The following RBFOX1 variants were observed in gnomAD, a reference collection of about 807,000 sequenced individuals.
RBFOX1 encodes the protein RNA binding protein fox-1 homolog 1.
A neutral mutation model predicts 57.7 loss-of-function variants in RBFOX1; 8 were observed. The ratio of observed to expected loss-of-function variants is 0.14; its 90% CI spans 0.08 to 0.25. The LOEUF (loss-of-function observed/expected upper bound fraction) is 0.25, where lower values mean the gene tolerates loss of function less well. Ranked by LOEUF, RBFOX1 falls within the 10% of genes least tolerant of loss-of-function variation. RBFOX1 has a pLI of 1.00. For missense variants in RBFOX1, 611 were observed against 548.5 expected (o/e 1.11, Z -1.14); for synonymous variants, 326 against 222.4 (o/e 1.47, Z -4.15).
intron 1 of RBFOX1, among the ~76,000 whole-genome samples, chr16:5,457,422 C>G (rs1257632654): frequency 6.6e-6 from 1 of 152,230 alleles, no homozygotes; most frequent in African/African-American, 2.4e-5. Context: ...AGTGTGAGCC[C>G]CTGCACCCAG....
chr16:7,035,883 GAC>G lies in RBFOX1; in HGVS notation c.-15-16158_-15-16157del, dbSNP rs34773276. On this transcript the variant is annotated intron_variant, in intron 3 of 15. Transcript: ENST00000550418. ...GCTTTCCAGGAAGAATGTGAACACA[GAC>G]ACACACACACACACATATACAGAGC... 9.3e-3 allele frequency among the ~76,000 whole-genome samples: 1,408 copies of G among 151,110 alleles called. 25 individuals are homozygous for G. The highest frequency in any genetic ancestry group is 0.032 in the African/African-American group (1,318 of 41,226).
intron 3 of RBFOX1, among the ~76,000 whole-genome samples, chr16:6,884,976 C>G (rs1009661797): frequency 2.6e-5 from 4 of 152,178 alleles, no homozygotes; most frequent in Admixed American, 6.5e-5. Context: ...CCAGATCTAT[C>G]TTATTCTAAA....
intron 4 of RBFOX1, among the ~76,000 whole-genome samples, chr16:7,052,883 C>T (rs1249861759): frequency 6.6e-6 from 1 of 152,140 alleles, no homozygotes; most frequent in African/African-American, 2.4e-5. Context: ...TTTCATGTCA[C>T]TAATGGAAGT....
chr16:6,667,778 A>G (rs1787142432), intron 3 of RBFOX1, among the ~76,000 whole-genome samples: 1 of 152,018 alleles, frequency 6.6e-6, no homozygotes, highest in Admixed American at 6.5e-5. Context: ...AGTCCCAGCT[A>G]CTCAAATGGC....
intron 4 of RBFOX1, among the ~76,000 whole-genome samples, chr16:5,913,882 G>A (rs529008315): frequency 1.2e-4 from 18 of 152,330 alleles, no homozygotes; most frequent in African/African-American, 3.1e-4. Flanking sequence ...ATATATGAAT[G>A]ACATCTTTCT....
chr16:6,802,680 A>G (rs146248824), intron 3 of RBFOX1, among the ~76,000 whole-genome samples: 2 of 152,334 alleles, frequency 1.3e-5, no homozygotes, highest in Admixed American at 6.5e-5. Flanking sequence ...GTCTCAATTA[A>G]AAACAAAAAA....
At chr16:7,169,195 A>G (rs1370078108) in intron 4 of RBFOX1, among the ~76,000 whole-genome samples, 1 of 152,202 alleles carries the variant, frequency 6.6e-6, no homozygotes, top group Non-Finnish European at 1.5e-5. Flanking sequence ...GTTTCCTCAT[A>G]TTTATATGAA....
intron 4 of RBFOX1, among the ~76,000 whole-genome samples, chr16:7,355,476 A>G (rs1452777319): frequency 6.6e-6 from 1 of 152,156 alleles, no homozygotes; most frequent in Non-Finnish European, 1.5e-5. Context: ...AAACCCTCCC[A>G]TACTTTTCCT....
At chr16:7,455,471 C>T (rs1478488286) in intron 4 of RBFOX1, among the ~76,000 whole-genome samples, 1 of 152,080 alleles carries the variant, frequency 6.6e-6, no homozygotes, top group East Asian at 1.9e-4. Flanking sequence ...TAGATATGGA[C>T]ATTTTGTGGG....
At chr16:5,388,424 G>A (rs1249341977) in intron 1 of RBFOX1, among the ~76,000 whole-genome samples, 3 of 152,178 alleles carry the variant, frequency 2.0e-5, no homozygotes, top group Non-Finnish European at 4.4e-5. Context: ...CAAGGATGCT[G>A]TGTAGGTTCT....
intron 4 of RBFOX1, among the ~76,000 whole-genome samples, chr16:7,265,912 C>G (rs532942863): frequency 3.1e-4 from 45 of 145,016 alleles, no homozygotes; most frequent in African/African-American, 1.1e-3. Context: ...TTCTTCCTTG[C>G]TTGGTGCTGT....
chr16:6,397,959 G>A (rs916304619), intron 2 of RBFOX1, among the ~76,000 whole-genome samples: 2 of 152,172 alleles, frequency 1.3e-5, no homozygotes, highest in East Asian at 1.9e-4. Flanking sequence ...AAGGGGAATA[G>A]AGAAACAACG....
chr16:7,396,804 G>T (rs1253721322), intron 4 of RBFOX1, among the ~76,000 whole-genome samples: 1 of 152,132 alleles, frequency 6.6e-6, no homozygotes. Context: ...AGCCAGGTTT[G>T]GTGGTGTGCT....
At chr16:7,570,268 C>T (rs956408895) in intron 5 of RBFOX1, among the ~76,000 whole-genome samples, 7 of 151,858 alleles carry the variant, frequency 4.6e-5, no homozygotes, top group Non-Finnish European at 7.4e-5. Context: ...TCACCAGCAT[C>T]CTTGAGCTAT....
intron 2 of RBFOX1, among the ~76,000 whole-genome samples, chr16:6,487,181 T>TGTGTG (rs2095503759): frequency 6.7e-6 from 1 of 148,396 alleles, no homozygotes; most frequent in Non-Finnish European, 1.5e-5. Context: ...TGTGTGTGTG[T>TGTGTG]ACCCAAAAGG....
At chr16:5,894,193 C>T (rs542283114) in intron 4 of RBFOX1, among the ~76,000 whole-genome samples, 2 of 152,224 alleles carry the variant, frequency 1.3e-5, no homozygotes, top group Non-Finnish European at 2.9e-5. Context: ...TCACACCACT[C>T]TGTTTCTTTT....
chr16:6,743,592 A>G (rs2072837116), intron 3 of RBFOX1, among the ~76,000 whole-genome samples: 1 of 151,746 alleles, frequency 6.6e-6, no homozygotes, highest in African/African-American at 2.4e-5. Context: ...AAATTTAAAA[A>G]TTGAAGTGAG....
At chr16:6,798,445 T>C (rs904874879) in intron 3 of RBFOX1, among the ~76,000 whole-genome samples, 1 of 152,204 alleles carries the variant, frequency 6.6e-6, no homozygotes, top group African/African-American at 2.4e-5. Context: ...GACAGAGAGC[T>C]GCTATGTTGT....
chr16:5,862,385 G>C lies in RBFOX1; in HGVS notation c.319-4918G>C, dbSNP rs114579786. Among the ~76,000 whole-genome samples the C allele has an allele frequency of 2.0e-5, 3 of 152,146 alleles. No individual in the cohort carries two copies. The East Asian group carries it at 5.8e-4, about 29-fold the overall frequency. On this transcript the variant is annotated intron_variant, in intron 3 of 19. Coordinates refer to the RBFOX1 transcript ENST00000641259. Reference sequence around the variant, plus strand: ...CTACCAGGGATGGCACTTGAGGGAGGGGTGTGATTATTCAGTCTTGCTGCC... The same window carrying C: ...CTACCAGGGATGGCACTTGAGGGAGCGGTGTGATTATTCAGTCTTGCTGCC...
Sources: allele counts gnomAD v4.1 joint callset (sites outside exome capture counted in the v4.1 genomes callset), GRCh38; gene constraint gnomAD v4.1.1; transcripts MANE v1.5; gene names NCBI Gene and HGNC (gene_info 2026-07-23, HGNC 2026-07-21).